Variants in ANKRD28 observed in about 807,000 individuals in gnomAD.
ANKRD28 encodes serine/threonine-protein phosphatase 6 regulatory ankyrin repeat subunit A.
A neutral mutation model predicts 126.5 loss-of-function variants in ANKRD28; 44 were observed. The ratio of observed to expected loss-of-function variants is 0.35; its 90% CI spans 0.27 to 0.45. The LOEUF (loss-of-function observed/expected upper bound fraction) is 0.45, where lower values mean the gene tolerates loss of function less well. Among genes scored for constraint, ANKRD28 ranks in the 20% least tolerant of loss-of-function variants. The pLI is 1.00. For synonymous variants in ANKRD28, 442 were observed against 468.5 expected (o/e 0.94, Z 0.73); for missense variants, 1,110 against 1,316.6 (o/e 0.84, Z 2.43).
intron 4 of ANKRD28, 114 bp from the exon 5 acceptor site, chr3:15,737,347 A>G (rs1412816806): frequency 1.1e-6 from 1 of 900,606 alleles, no homozygotes; most frequent in African/African-American, 1.7e-5. Flanking sequence ...AAGAAAATAA[A>G]AAAGCTCTCA....
In ANKRD28 at chr3:15,823,546, G is replaced by A. The variant is rs184933186; in HGVS notation, c.28-28240C>T. On this transcript the variant is annotated intron_variant, in intron 1 of 27. Transcript: ENST00000399451. ...ACTTGAATATTCTTCAACAAATAGC[G>A]CTAGGACAACTGGATATCCACATTT... Among the ~76,000 whole-genome samples the A allele has an allele frequency of 9.2e-5, 14 of 152,180 alleles. No individual in the cohort carries two copies. In the South Asian group the frequency reaches 1.7e-3, roughly 18 times the overall value.
At chr3:15,697,141 A>G (rs999341973) in intron 14 of ANKRD28, among the ~76,000 whole-genome samples, 1 of 152,224 alleles carries the variant, frequency 6.6e-6, no homozygotes, top group Non-Finnish European at 1.5e-5. Flanking sequence ...TAGCATTTGC[A>G]GCAACCTGGA....
rs1420163520 is a variant in ANKRD28, at chr3:15,812,410, A to G, written c.28-17104T>C. ...AAGCACCATCCAGTGGTAAAAGATG[A>G]TAATTACAATTTATACAGTTATTAA... On this transcript the variant is annotated intron_variant, in intron 1 of 27. Coordinates refer to the ANKRD28 transcript ENST00000399451. The surrounding 1 kb of genome is among the most constrained non-coding windows in gnomAD (Gnocchi z 4.1). Among the ~76,000 whole-genome samples, 2 of 152,224 alleles carry G rather than the reference A, an allele frequency of 1.3e-5. No homozygotes were observed. Among genetic ancestry groups the G allele is most frequent in the Non-Finnish European group, 2.9e-5 (2 of 68,044 alleles).
chr3:15,802,296 C>T (rs1165804787), upstream of ANKRD28, among the ~76,000 whole-genome samples: 1 of 152,138 alleles, frequency 6.6e-6, no homozygotes, highest in Admixed American at 6.6e-5. Context: ...AGTGAAACTA[C>T]ACTAGAAGGG....
chr3:15,751,888 T>TAGTA, intron 3 of ANKRD28, 68 bp from the exon 4 acceptor site: 1 of 1,064,558 alleles, frequency 9.4e-7, no homozygotes, highest in Non-Finnish European at 1.4e-6. Context: ...TCTCCTGAAA[T>TAGTA]AGTAGTTATA....
chr3:15,719,006 C>T (rs541960908), intron 8 of ANKRD28, among the ~76,000 whole-genome samples: 3 of 152,126 alleles, frequency 2.0e-5, no homozygotes, highest in African/African-American at 7.2e-5. Flanking sequence ...CAGTTCAAAC[C>T]TGTAATAAAT....
intron 1 of ANKRD28, among the ~76,000 whole-genome samples, chr3:15,819,020 A>G (rs1161366684): frequency 1.3e-5 from 2 of 152,200 alleles, no homozygotes; most frequent in East Asian, 1.9e-4. Context: ...GCTCACGCCT[A>G]TAATTCCAGT....
intron 21 of ANKRD28, 39 bp downstream of exon 21, chr3:15,685,187 C>T: frequency 6.3e-7 from 1 of 1,591,730 alleles, no homozygotes; most frequent in Non-Finnish European, 8.6e-7. Flanking sequence ...TATCTCTGTT[C>T]ACTACACAAT....
intron 3 of ANKRD28, among the ~76,000 whole-genome samples, chr3:15,753,110 C>T (rs1163385158): frequency 6.6e-6 from 1 of 151,884 alleles, no homozygotes; most frequent in African/African-American, 2.4e-5. Context: ...GAATCAAGAG[C>T]TAATTAGAGA....
intron 6 of ANKRD28, chr3:15,732,116 A>C (rs1434060893): frequency 2.0e-5 from 3 of 152,178 alleles, no homozygotes; most frequent in Non-Finnish European, 4.4e-5. Context: ...GACCCTGTTT[A>C]GGGTGATGAC....
chr3:15,679,784 C>G (rs1272005745), intron 21 of ANKRD28, among the ~76,000 whole-genome samples: 1 of 152,076 alleles, frequency 6.6e-6, no homozygotes, highest in Non-Finnish European at 1.5e-5. Flanking sequence ...ATACAGTTGG[C>G]TCTCTGTATC....
chr3:15,720,155 T>C lies in ANKRD28; in HGVS notation c.996+760A>G, dbSNP rs150994287. Among the ~76,000 whole-genome samples the C allele has an allele frequency of 4.2e-3, 632 of 152,288 alleles. 8 individuals are homozygous for C. Among genetic ancestry groups the C allele is most frequent in the East Asian group, 0.022 (114 of 5,186 alleles). On this transcript the variant is annotated intron_variant, in intron 8 of 27. Coordinates refer to ENST00000683139, the MANE Select transcript of ANKRD28 (RefSeq NM_001349278.2). ...GTGGGATTACAGGTAGGAGCCACTA[T>C]GCCAGCCCAGAATTTTCACATAATT...
intron 3 of ANKRD28, among the ~76,000 whole-genome samples, chr3:15,754,843 G>A (rs1224846787): frequency 6.6e-6 from 1 of 152,190 alleles, no homozygotes; most frequent in Non-Finnish European, 1.5e-5. Flanking sequence ...TCGGCCGGGT[G>A]CAGTGGCTCA....
intron 2 of ANKRD28, among the ~76,000 whole-genome samples, chr3:15,791,214 T>C (rs2060008330): frequency 6.6e-6 from 1 of 152,026 alleles, no homozygotes; most frequent in Non-Finnish European, 1.5e-5. Context: ...ATAGATTCAA[T>C]GCAATCCCAA....
At chr3:15,859,661 C>T (rs1329937759) in exon 1 of ANKRD28, 1 of 158,860 alleles carries the variant, frequency 6.3e-6, no homozygotes, top group African/African-American at 2.4e-5. Context: ...GACTCCCCGC[C>T]CTCTTCCTTC....
chr3:15,785,576 G>C (rs1180718284), intron 2 of ANKRD28, among the ~76,000 whole-genome samples: 1 of 152,078 alleles, frequency 6.6e-6, no homozygotes, highest in African/African-American at 2.4e-5. Context: ...ATGCTGGCAA[G>C]GATATGAAAC....
chr3:15,786,789 G>T (rs1029596877), intron 2 of ANKRD28, among the ~76,000 whole-genome samples: 6 of 151,992 alleles, frequency 3.9e-5, no homozygotes, highest in Non-Finnish European at 4.4e-5. Context: ...CATTACTTCT[G>T]AGTATGCAAG....
At chr3:15,808,048 A>T (rs1216504810) in intron 1 of ANKRD28, among the ~76,000 whole-genome samples, 2 of 152,202 alleles carry the variant, frequency 1.3e-5, no homozygotes, top group Non-Finnish European at 2.9e-5. Context: ...ACGGACAAAA[A>T]ATCTGAGTTG....
intron 15 of ANKRD28, among the ~76,000 whole-genome samples, chr3:15,695,479 A>G (rs972867614): frequency 6.6e-6 from 1 of 152,020 alleles, no homozygotes; most frequent in African/African-American, 2.4e-5. Flanking sequence ...TAAATTGTCA[A>G]CCTCCCTTTT....
Sources: gnomAD v4.1 joint callset for allele counts (sites outside exome capture counted in the v4.1 genomes callset) on GRCh38, gnomAD v4.1.1 for gene constraint, Gnocchi (gnomAD v3.1) non-coding constraint, MANE v1.5 for transcripts, NCBI Gene and HGNC (gene_info 2026-07-23, HGNC 2026-07-21) for gene names.